Variants in LRP1B observed in about 807,000 individuals in gnomAD.
LRP1B encodes the protein low-density lipoprotein receptor-related protein 1B.
In LRP1B, 217 loss-of-function variants were observed where a neutral mutation model predicts 556.6. The observed-to-expected ratio is 0.39, with a 90% CI of 0.35 to 0.44. LRP1B has a LOEUF of 0.44. Among genes scored for constraint, LRP1B ranks in the 20% least tolerant of loss-of-function variants. LRP1B has a pLI of 1.00. For synonymous variants in LRP1B, 2,047 were observed against 1,865.8 expected (o/e 1.10, Z -2.50); for missense variants, 5,053 against 5,620.8 (o/e 0.90, Z 3.23).
chr2:141,279,086 A>G (rs1685411700), intron 3 of LRP1B, among the ~76,000 whole-genome samples: 2 of 152,170 alleles, frequency 1.3e-5, no homozygotes, highest in Non-Finnish European at 2.9e-5. Context: ...CATACTTTAT[A>G]ACATCTCTGA....
intron 11 of LRP1B, among the ~76,000 whole-genome samples, chr2:141,045,137 G>A (rs1698829736): frequency 7.5e-6 from 1 of 133,514 alleles, no homozygotes; most frequent in Non-Finnish European, 1.6e-5. Flanking sequence ...GGATGAAATT[G>A]GAAATCATCA....
intron 3 of LRP1B, among the ~76,000 whole-genome samples, chr2:141,283,658 C>A (rs941964134): frequency 5.1e-5 from 7 of 138,430 alleles, no homozygotes; most frequent in African/African-American, 1.9e-4. Flanking sequence ...TGTAGTGGCG[C>A]GGTCTCGGCT....
chr2:141,650,847 T>C (rs1574195377), intron 2 of LRP1B, among the ~76,000 whole-genome samples: 1 of 152,352 alleles, frequency 6.6e-6, no homozygotes, highest in South Asian at 2.1e-4. Context: ...TTATCTTAAA[T>C]ATCTCTCATT....
chr2:141,421,294 C>T (rs952905365), intron 3 of LRP1B, among the ~76,000 whole-genome samples: 6 of 151,972 alleles, frequency 3.9e-5, no homozygotes, highest in Non-Finnish European at 8.8e-5. Context: ...TTTGGGAGCC[C>T]GAGGTGGGCG....
At chr2:141,342,427 T>A (rs1206548045) in intron 3 of LRP1B, among the ~76,000 whole-genome samples, 6 of 152,052 alleles carry the variant, frequency 3.9e-5, no homozygotes, top group Non-Finnish European at 8.8e-5. Context: ...AAAAGGTAAT[T>A]CACTAAATGA....
At chr2:141,688,871 C>T (rs554254925) in intron 2 of LRP1B, among the ~76,000 whole-genome samples, 1 of 151,954 alleles carries the variant, frequency 6.6e-6, no homozygotes, top group Non-Finnish European at 1.5e-5. Context: ...CACTCATCAA[C>T]TAAGTGATAG....
At chr2:141,486,660 G>T (rs774578390) in intron 2 of LRP1B, among the ~76,000 whole-genome samples, 6 of 151,908 alleles carry the variant, frequency 3.9e-5, no homozygotes, top group Non-Finnish European at 8.8e-5. Context: ...ATCTAGAATT[G>T]CCTCTTGGTT....
At chr2:141,942,860 G>C (rs183939550) in intron 1 of LRP1B, among the ~76,000 whole-genome samples, 1 of 152,280 alleles carries the variant, frequency 6.6e-6, no homozygotes, top group African/African-American at 2.4e-5. Flanking sequence ...CTGCATATGA[G>C]GGGAACACCT....
intron 35 of LRP1B, among the ~76,000 whole-genome samples, chr2:140,744,456 T>C (rs552938332): frequency 9.8e-5 from 15 of 152,286 alleles, no homozygotes; most frequent in African/African-American, 3.4e-4. Flanking sequence ...TTCCAAGTCA[T>C]ACATATGGTC....
intron 3 of LRP1B, among the ~76,000 whole-genome samples, chr2:141,344,712 C>G (rs1688184962): frequency 6.6e-6 from 1 of 152,068 alleles, no homozygotes; most frequent in South Asian, 2.1e-4. Flanking sequence ...ATGTTTTTCC[C>G]ACTGTATTCA....
intron 43 of LRP1B, among the ~76,000 whole-genome samples, chr2:140,583,171 C>CTTTTCTT (rs1553491151): frequency 1.3e-3 from 63 of 48,038 alleles, no homozygotes; most frequent in African/African-American, 3.7e-3. Context: ...CCTTTTTTTT[C>CTTTTCTT]TTTTTTTTTT....
At chr2:141,713,613 CT>C (rs1314307966) in intron 2 of LRP1B, among the ~76,000 whole-genome samples, 1 of 152,060 alleles carries the variant, frequency 6.6e-6, no homozygotes, top group Non-Finnish European at 1.5e-5. Context: ...AAAATGAATT[CT>C]TTTATTACCC....
intron 32 of LRP1B, among the ~76,000 whole-genome samples, chr2:140,809,501 T>C (rs1690843611): frequency 6.6e-6 from 1 of 152,156 alleles, no homozygotes; most frequent in South Asian, 2.1e-4. Context: ...CTACTTAACA[T>C]TTATGTTAGA....
chr2:141,918,137 T>TA (rs1700087143), intron 1 of LRP1B, among the ~76,000 whole-genome samples: 1 of 152,042 alleles, frequency 6.6e-6, no homozygotes, highest in Non-Finnish European at 1.5e-5. Flanking sequence ...CCTATATACT[T>TA]TTTTAAAAAA....
intron 7 of LRP1B, among the ~76,000 whole-genome samples, chr2:141,180,453 G>A: frequency 6.6e-6 from 1 of 151,862 alleles, no homozygotes; most frequent in South Asian, 2.1e-4. Context: ...TTCTCTGGCA[G>A]AAAGTAAGAA....
chr2:140,328,723 A>T (rs918960439), intron 79 of LRP1B, among the ~76,000 whole-genome samples: 1 of 152,090 alleles, frequency 6.6e-6, no homozygotes, highest in African/African-American at 2.4e-5. Context: ...CCATTATGTC[A>T]AATTTATTTT....
intron 2 of LRP1B, among the ~76,000 whole-genome samples, chr2:141,602,961 G>T (rs1392034360): frequency 6.6e-6 from 1 of 152,066 alleles, no homozygotes. Context: ...TTATCTCATT[G>T]ATTTTAACGT....
chr2:140,668,305 G>A (rs567766688), intron 41 of LRP1B, among the ~76,000 whole-genome samples: 178 of 78,374 alleles, frequency 2.3e-3, no homozygotes, highest in African/African-American at 9.5e-3. Context: ...GCGAGACTCC[G>A]TCTCAAAAAA....
intron 84 of LRP1B, among the ~76,000 whole-genome samples, chr2:140,296,995 AAG>A (rs1683633548): frequency 6.6e-6 from 1 of 152,264 alleles, no homozygotes; most frequent in South Asian, 2.1e-4. Context: ...TTTTTCCAGA[AAG>A]AACTTGGCAG....
Sources: allele counts gnomAD v4.1 joint callset (sites outside exome capture counted in the v4.1 genomes callset), GRCh38; gene constraint gnomAD v4.1.1; transcripts MANE v1.5; gene names NCBI Gene and HGNC (gene_info 2026-07-23, HGNC 2026-07-21).